The following APLP1 variants were observed in gnomAD, a reference collection of about 807,000 sequenced individuals.
The protein encoded by APLP1 is amyloid beta precursor like protein 1, also known as amyloid beta (A4) precursor-like protein 1.
Under a neutral mutation model 84.5 loss-of-function variants are expected in APLP1, and 46 were observed. The ratio of observed to expected loss-of-function variants is 0.54; its 90% CI spans 0.43 to 0.70. The LOEUF is 0.70. APLP1 is among the 30% of genes least tolerant of loss of function. The pLI is 0.00. For synonymous variants in APLP1, 376 were observed against 364.0 expected (o/e 1.03, Z -0.38); for missense variants, 826 against 900.2 (o/e 0.92, Z 1.05).
rs1045447152 is a variant in APLP1 at position 35,874,958 on chromosome 19, C to T, written c.1344+89C>T. 1 of 1,513,148 alleles carries T rather than the reference C, an allele frequency of 6.6e-7. No individual in the cohort carries two copies. The highest frequency in any genetic ancestry group is 8.8e-7 in the Non-Finnish European group (1 of 1,131,034). The allele number at this position is 1,513,148 out of a possible 1,614,324, so 93.7% of individuals were successfully genotyped here. On this transcript the variant is annotated intron_variant, in intron 10 of 16. Transcript: ENST00000221891. This position sits in a 1 kb window ranked among gnomAD's most constrained non-coding sequence, Gnocchi z 6.4. ...TTCTCTTGTCCCTTAGACCCTCTTT[C>T]TGTCTCTTGGACCCCTTCCTATCCC...
In APLP1 at chr19:35,870,720, G is replaced by A. The variant is rs1321447096; in HGVS notation, c.292-176G>A. On this transcript the variant is annotated intron_variant, in intron 2 of 16. Coordinates refer to ENST00000221891, the MANE Select transcript of APLP1 (RefSeq NM_001024807.3). ...AATCGCTTGAACCTGGGAGGAGGAG[G>A]TTGCAGTGAGCCGAGATTGTACCAT... The A allele has an allele frequency of 3.7e-6, 3 of 821,476 alleles. No individual in the cohort carries two copies. The African/African-American group carries it at 5.3e-5, about 15-fold the overall frequency. 50.9% of individuals were successfully genotyped at this position (821,476 alleles called of 1,614,324 possible).
intron 2 of APLP1, chr19:35,870,559 G>T: frequency 4.0e-6 from 1 of 247,198 alleles, no homozygotes; most frequent in Middle Eastern, 1.4e-3. Context: ...CGAGGCAGGC[G>T]GATCACCTGA....
intron 8 of APLP1, 122 bp downstream of exon 8, chr19:35,873,835 T>G (rs1200887531): frequency 2.3e-6 from 2 of 879,350 alleles, no homozygotes; most frequent in Non-Finnish European, 3.7e-6. Flanking sequence ...TCTCAGCCTT[T>G]CCTGGCCCCA....
intron 14 of APLP1, 28 bp downstream of exon 14, chr19:35,878,682 TA>T (rs1974336746): frequency 6.2e-7 from 1 of 1,613,054 alleles, no homozygotes; most frequent in Non-Finnish European, 8.5e-7. Context: ...GTGGGCTCCC[TA>T]AGGGGAACAA....
chr19:35,871,420 C>T (rs1974144019), intron 4 of APLP1, 71 bp downstream of exon 4: 1 of 1,439,952 alleles, frequency 6.9e-7, no homozygotes, highest in African/African-American at 1.4e-5. Flanking sequence ...CCCTCCGCCA[C>T]CAGAACCGAG....
At chr19:35,869,891 A>T in intron 2 of APLP1, 81 bp downstream of exon 2, 1 of 1,505,458 alleles carries the variant, frequency 6.6e-7, no homozygotes, top group Non-Finnish European at 8.9e-7. Flanking sequence ...GTGCTGCGCG[A>T]TCTAAGGCGT....
chr19:35,869,412 G>A (rs964309821), intron 1 of APLP1: 3 of 647,094 alleles, frequency 4.6e-6, no homozygotes, highest in South Asian at 3.4e-5. Context: ...GCGCTGGGGT[G>A]GGGGCGGAGT....
chr19:35,872,972 T>C (rs987052968), intron 7 of APLP1, among the ~76,000 whole-genome samples: 11 of 151,988 alleles, frequency 7.2e-5, no homozygotes, highest in African/African-American at 2.7e-4. Flanking sequence ...CGATTCCCCT[T>C]CCTCAGTCTC....
In APLP1 at chr19:35,874,937, C is replaced by G; in HGVS notation, c.1344+68C>G. 2 of 1,565,512 alleles carry G rather than the reference C, an allele frequency of 1.3e-6. No individual in the cohort carries two copies. The highest frequency in any genetic ancestry group is 8.6e-7 in the Non-Finnish European group (1 of 1,161,842). ...AGACGCCCGCGCCTCAGGCTCTTCT[C>G]TTGTCCCTTAGACCCTCTTTCTGTC... is the stretch of plus-strand genomic sequence containing the variant. On this transcript the variant is annotated intron_variant, in intron 10 of 16. Transcript: ENST00000221891. This position sits in a 1 kb window ranked among gnomAD's most constrained non-coding sequence, Gnocchi z 6.4.
rs757059422 is a variant in APLP1 at position 35,878,691 on chromosome 19, C to G, written c.1650+37C>G. ...AGAACTGTGGGCTCCCTAAGGGGAA[C>G]AAGATCGGGGCCTATATGGCTGGGT... On this transcript the variant is annotated intron_variant, in intron 14 of 16. Coordinates refer to ENST00000221891, the MANE Select transcript of APLP1 (RefSeq NM_001024807.3). 3.7e-6 allele frequency: 6 copies of G among 1,610,606 alleles called. No homozygotes were observed. In the African/African-American group the frequency reaches 4.0e-5, roughly 11 times the overall value.
Position 35,870,943 on chromosome 19 carries a change from C to T in APLP1, c.339C>T (p.Ala113=), listed in dbSNP as rs1482309133. 1 of 1,598,718 alleles carries T rather than the reference C, an allele frequency of 6.3e-7. No individual in the cohort carries two copies. Among genetic ancestry groups the T allele is most frequent in the African/African-American group, 1.3e-5 (1 of 74,832 alleles). The change falls in exon 3 of 17, where the codon GCC becomes GCT. Residue 113 remains alanine, a synonymous_variant. Transcript: ENST00000221891. The part of the protein sequence containing the change: ...QIARVEQATQ[A]IPMERWCGGS... The stretch of plus-strand genomic sequence containing the variant: ...CACGTGTGGAGCAGGCTACGCAGGC[C>T]ATCCCCATGGAGCGCTGGTGCGGGG...
chr19:35,876,625 C>T lies in APLP1; in HGVS notation c.1444+9C>T, dbSNP rs879200437. 2 of 1,602,700 alleles carry T rather than the reference C, an allele frequency of 1.2e-6. No homozygotes were observed. The highest frequency in any genetic ancestry group is 4.5e-5 in the East Asian group (2 of 44,640). On this transcript the variant is annotated intron_variant, in intron 11 of 16. Transcript: ENST00000221891. ...GCTGCGGCCCCAAATCCGTGAGTGTCTATTACCCTGGCTCCCATTACAGAT... is the reference window on the plus strand; with the variant it reads ...GCTGCGGCCCCAAATCCGTGAGTGTTTATTACCCTGGCTCCCATTACAGAT...
At chr19:35,878,020 C>T (rs1974323865) in intron 12 of APLP1, 62 bp from the exon 13 acceptor site, 1 of 1,559,992 alleles carries the variant, frequency 6.4e-7, no homozygotes, top group Admixed American at 1.8e-5. Context: ...GTTTCTCCAC[C>T]TTTCTTTGCT....
intron 16 of APLP1, 25 bp from the exon 17 acceptor site, chr19:35,879,318 C>G (rs376189717): frequency 2.0e-5 from 32 of 1,613,172 alleles, no homozygotes; most frequent in African/African-American, 2.7e-5. Context: ...ACCACACTGT[C>G]CTTTCCCTCC....
chr19:35,869,962 T>G (rs1432449767), intron 2 of APLP1, 152 bp downstream of exon 2: 4 of 1,025,052 alleles, frequency 3.9e-6, no homozygotes, highest in Non-Finnish European at 5.5e-6. Flanking sequence ...GGGACCTGTT[T>G]TGAGATACTA....
chr19:35,873,628 T>G lies in APLP1; in HGVS notation c.982-11T>G. The G allele has an allele frequency of 6.2e-7, 1 of 1,613,994 alleles. No individual in the cohort carries two copies. The highest frequency in any genetic ancestry group is 1.1e-5 in the South Asian group (1 of 91,044). ...GGATTCTGGGATCCTGAAGCTCCCCTCCCTATGCAGGTGATGCGTGAATGG... is the reference window on the plus strand; with the variant it reads ...GGATTCTGGGATCCTGAAGCTCCCCGCCCTATGCAGGTGATGCGTGAATGG... On this transcript the variant is annotated splice_polypyrimidine_tract_variant and intron_variant, in intron 7 of 16. Transcript: ENST00000221891.
At position 35,879,759 on chromosome 19, in the gene APLP1, T is replaced by A. The variant is rs2146918085; in HGVS notation, c.*318T>A. The A allele has an allele frequency of 3.1e-6, 1 of 318,930 alleles. No individual in the cohort carries two copies. The highest frequency in any genetic ancestry group is 6.3e-5 in the East Asian group (1 of 15,812). 19.8% of individuals were successfully genotyped at this position (318,930 alleles called of 1,614,324 possible). ...TGGAATTCACCCTCTCATGTTTCCC[T>A]ACTAACATCCCAATAAAGTCCTCTT... On this transcript the variant is annotated 3_prime_UTR_variant, in exon 17 of 17. Transcript: ENST00000221891.
chr19:35,874,989 C>A lies in APLP1; in HGVS notation c.1344+120C>A. The A allele has an allele frequency of 7.4e-7, 1 of 1,355,406 alleles. No homozygotes were observed. 84.0% of individuals were successfully genotyped at this position (1,355,406 alleles called of 1,614,324 possible). A position where few individuals can be genotyped will look rare whatever the true frequency, so the allele number is the denominator to read the frequency against. On this transcript the variant is annotated intron_variant, in intron 10 of 16. Coordinates refer to ENST00000221891, the MANE Select transcript of APLP1 (RefSeq NM_001024807.3). The surrounding 1 kb of genome is among the most constrained non-coding windows in gnomAD (Gnocchi z 6.4). Reference sequence around the variant, plus strand: ...CTTGGACCCCTTCCTATCCCCTGAACACCGCTTCTCTGCCCCTTCCCAGTC... The same window carrying A: ...CTTGGACCCCTTCCTATCCCCTGAAAACCGCTTCTCTGCCCCTTCCCAGTC...
intron 6 of APLP1, 56 bp downstream of exon 6, chr19:35,872,092 G>T (rs1974169937): frequency 1.3e-6 from 2 of 1,569,030 alleles, no homozygotes; most frequent in South Asian, 1.2e-5. Context: ...GAAAGATCTG[G>T]GGGAGTCTTG....
Sources: allele counts gnomAD v4.1 joint callset (sites outside exome capture counted in the v4.1 genomes callset), GRCh38; gene constraint gnomAD v4.1.1; non-coding constraint Gnocchi (gnomAD v3.1); transcripts MANE v1.5; gene names NCBI Gene and HGNC (gene_info 2026-07-23, HGNC 2026-07-21).